The following SUGCT variants were observed in gnomAD, a reference collection of about 807,000 sequenced individuals.
The protein encoded by SUGCT is succinyl-CoA:glutarate-CoA transferase.
Under a neutral mutation model 55.0 loss-of-function variants are expected in SUGCT, and 41 were observed. That is an observed-to-expected ratio of 0.74 (90% CI 0.58 to 0.97). The LOEUF (loss-of-function observed/expected upper bound fraction) is 0.97. Ranked by LOEUF, SUGCT falls within the 50% of genes least tolerant of loss-of-function variation. SUGCT has a pLI of 0.00. For synonymous variants in SUGCT, 187 were observed against 200.4 expected (o/e 0.93, Z 0.56); for missense variants, 568 against 547.8 (o/e 1.04, Z -0.37).
At chr7:40,324,204 C>T (rs896226923) in intron 9 of SUGCT, among the ~76,000 whole-genome samples, 1 of 142,950 alleles carries the variant, frequency 7.0e-6, no homozygotes, top group Admixed American at 7.3e-5. Context: ...CTGTATTATA[C>T]TTCATAGGAT....
intron 12 of SUGCT, among the ~76,000 whole-genome samples, chr7:40,519,140 C>T (rs966463387): frequency 1.3e-5 from 2 of 151,934 alleles, no homozygotes; most frequent in Admixed American, 6.6e-5. Context: ...GAGAAAACAT[C>T]GGACAAACAA....
chr7:40,454,582 A>T (rs1020895035), intron 10 of SUGCT, among the ~76,000 whole-genome samples: 3 of 148,478 alleles, frequency 2.0e-5, no homozygotes, highest in Non-Finnish European at 4.4e-5. Flanking sequence ...AACACAGTGG[A>T]TACACAAAAA....
At chr7:40,249,681 A>T (rs1005759932) in intron 7 of SUGCT, among the ~76,000 whole-genome samples, 8 of 152,140 alleles carry the variant, frequency 5.3e-5, no homozygotes, top group Admixed American at 1.3e-4. Flanking sequence ...CCTTTCTAAC[A>T]TGACACTGCT....
At chr7:40,309,731 C>T (rs928646530) in intron 8 of SUGCT, among the ~76,000 whole-genome samples, 4 of 151,858 alleles carry the variant, frequency 2.6e-5, no homozygotes, top group African/African-American at 9.7e-5. Flanking sequence ...GGAAGATGAG[C>T]CCATAGCATC....
chr7:41,026,107 C>T, the SUGCT span, among the ~76,000 whole-genome samples: 1 of 152,242 alleles, frequency 6.6e-6, no homozygotes, highest in East Asian at 1.9e-4. Flanking sequence ...GCCACCATCA[C>T]CTTGGTCTTA....
chr7:40,505,178 CTA>C (rs1180708527), intron 12 of SUGCT, among the ~76,000 whole-genome samples: 2 of 152,046 alleles, frequency 1.3e-5, no homozygotes, highest in African/African-American at 2.4e-5. Context: ...TGTAGCCACT[CTA>C]TTCTCTTTCA....
chr7:41,025,935 G>C, the SUGCT span, among the ~76,000 whole-genome samples: 1 of 152,166 alleles, frequency 6.6e-6, no homozygotes, highest in Admixed American at 6.5e-5. Flanking sequence ...GTTAACATTT[G>C]TAAGTCCCAG....
intron 13 of SUGCT, among the ~76,000 whole-genome samples, chr7:40,767,528 G>C (rs182490095): frequency 1.7e-4 from 26 of 152,270 alleles, no homozygotes. Context: ...TGAGAACTTG[G>C]AACTGGGCAG....
At chr7:40,513,783 A>ATTTTTTTTTTTTTTTT (rs869065628) in intron 12 of SUGCT, among the ~76,000 whole-genome samples, 1 of 103,992 alleles carries the variant, frequency 9.6e-6, no homozygotes. Context: ...TCAGGGAAGT[A>ATTTTTTTTTTTTTTTT]TTTTTTTTTT....
chr7:40,223,705 G>A (rs1324373687), intron 6 of SUGCT, among the ~76,000 whole-genome samples: 1 of 152,116 alleles, frequency 6.6e-6, no homozygotes, highest in African/African-American at 2.4e-5. Context: ...GCAGTTCAAA[G>A]GTTACTGGAT....
chr7:40,455,788 A>G (rs1789453227), intron 10 of SUGCT, among the ~76,000 whole-genome samples: 1 of 152,192 alleles, frequency 6.6e-6, no homozygotes, highest in Non-Finnish European at 1.5e-5. Context: ...CTTCCTGCAT[A>G]TGCAAAGATC....
At chr7:40,416,690 C>T (rs199941335) in intron 9 of SUGCT, among the ~76,000 whole-genome samples, 1 of 151,944 alleles carries the variant, frequency 6.6e-6, no homozygotes, top group East Asian at 1.9e-4. Context: ...TTATTGACAT[C>T]ATCTGCACAT....
chr7:41,036,713 A>G, the SUGCT span, among the ~76,000 whole-genome samples: 25 of 152,274 alleles, frequency 1.6e-4, no homozygotes, highest in Middle Eastern at 0.02. Context: ...TTTTCTTACC[A>G]AATCCCCGCC....
chr7:40,394,173 A>T (rs1785592096), intron 9 of SUGCT, among the ~76,000 whole-genome samples: 1 of 151,454 alleles, frequency 6.6e-6, no homozygotes, highest in Admixed American at 6.6e-5. Context: ...TACTTGTCGA[A>T]CTTAAAAAAA....
At chr7:40,612,251 C>A (rs1798802003) in intron 12 of SUGCT, among the ~76,000 whole-genome samples, 1 of 152,110 alleles carries the variant, frequency 6.6e-6, no homozygotes, top group Non-Finnish European at 1.5e-5. Flanking sequence ...TAAATATGTT[C>A]ATCTATGCAA....
At chr7:40,221,957 C>T (rs868575473) in intron 6 of SUGCT, among the ~76,000 whole-genome samples, 1 of 152,218 alleles carries the variant, frequency 6.6e-6, no homozygotes, top group Non-Finnish European at 1.5e-5. Context: ...ATATGATTCA[C>T]GCCTGAGATA....
chr7:40,842,335 AT>A (rs1793318919), intron 13 of SUGCT, among the ~76,000 whole-genome samples: 1 of 152,186 alleles, frequency 6.6e-6, no homozygotes. Flanking sequence ...ATAACAAAAA[AT>A]ATGTTCTTCC....
intron 9 of SUGCT, among the ~76,000 whole-genome samples, chr7:40,333,651 A>G: frequency 1.9e-5 from 1 of 53,302 alleles, no homozygotes; most frequent in Non-Finnish European, 3.4e-5. Context: ...AAAAAAAAAA[A>G]AAAAAAAAAA....
rs149542761 is a variant in SUGCT at position 40,295,813 on chromosome 7, C to T, written c.721-20947C>T. On this transcript the variant is annotated intron_variant, in intron 8 of 13. Transcript: ENST00000335693. ...CATAGATAAATTTTGCATTTTTTAA[C>T]GCCTGCCCAGTTCTTCTCCTTACAC... Among the ~76,000 whole-genome samples the T allele has an allele frequency of 5.0e-3, 760 of 152,208 alleles. 5 individuals carry two copies. Among genetic ancestry groups the T allele is most frequent in the African/African-American group, 0.018 (728 of 41,524 alleles).
Sources: allele counts gnomAD v4.1 joint callset (sites outside exome capture counted in the v4.1 genomes callset), GRCh38; gene constraint gnomAD v4.1.1; transcripts MANE v1.5; gene names NCBI Gene and HGNC (gene_info 2026-07-23, HGNC 2026-07-21).